SGPL1: variants seen among roughly 807,000 people sequenced by gnomAD.
SGPL1 encodes SP-lyase 1.
A neutral mutation model predicts 68.9 loss-of-function variants in SGPL1; 37 were observed. The ratio of observed to expected loss-of-function variants is 0.54; its 90% CI spans 0.41 to 0.71. The LOEUF is 0.71. Among genes scored for constraint, SGPL1 ranks in the 30% least tolerant of loss-of-function variants. SGPL1 has a pLI of 0.00. For synonymous variants in SGPL1, 236 were observed against 248.5 expected (o/e 0.95, Z 0.47); for missense variants, 551 against 704.6 (o/e 0.78, Z 2.47).
intron 2 of SGPL1, among the ~76,000 whole-genome samples, chr10:70,823,322 G>A (rs1191430007): frequency 1.3e-5 from 2 of 150,050 alleles, no homozygotes; most frequent in Non-Finnish European, 3.0e-5. Context: ...CCTAGTAAAA[G>A]TTTTGTTTAA....
In SGPL1 at chr10:70,871,841, C is replaced by T; in HGVS notation, c.914C>T (p.Ala305Val). Residue 305 changes from alanine (A) to valine (V), a missense_variant, in exon 11 of 15, where the codon GCT becomes GTT. Transcript: ENST00000373202. ...TTCTTTGTTTTTTGGAACAAGCTGG[C>T]TGTCAAATACAAAATACCCCTTCAT... ...IDPVPEVAKL[A>V]VKYKIPLHVD... 1 of 1,612,692 alleles carries T rather than the reference C, an allele frequency of 6.2e-7. No homozygotes were observed. The highest frequency in any genetic ancestry group is 1.1e-5 in the South Asian group (1 of 90,600).
chr10:70,877,544 A>ACATAATG lies in SGPL1; in HGVS notation c.*210_*216dup, dbSNP rs1307889534. On this transcript the variant is annotated 3_prime_UTR_variant, in exon 15 of 15. Coordinates refer to ENST00000373202, the MANE Select transcript of SGPL1 (RefSeq NM_003901.4). ...TTTGAAGACCCCAGAGAATTCCATT[A>ACATAATG]CATAATGATTTTGCCCTTGTTATAA... 2.4e-5 allele frequency: 12 copies of ACATAATG among 507,882 alleles called. No homozygotes were observed. Among genetic ancestry groups the ACATAATG allele is most frequent in the Non-Finnish European group, 3.9e-5 (11 of 284,550 alleles). 31.5% of individuals were successfully genotyped at this position (507,882 alleles called of 1,614,324 possible). A position where few individuals can be genotyped will look rare whatever the true frequency, so the allele number is the denominator to read the frequency against.
chr10:70,829,542 T>C (rs1317957362), intron 2 of SGPL1, among the ~76,000 whole-genome samples: 2 of 152,232 alleles, frequency 1.3e-5, no homozygotes, highest in African/African-American at 4.8e-5. Context: ...TCATTTAATA[T>C]TCACAACAAC....
rs1379400946 is a variant in SGPL1 at position 70,879,800 on chromosome 10, G to T, written c.*2465G>T. On this transcript the variant is annotated 3_prime_UTR_variant, in exon 15 of 15. Coordinates refer to ENST00000373202, the MANE Select transcript of SGPL1 (RefSeq NM_003901.4). ...TAGGCTTTTCATTGTGTATTTTTGTGTATGTGTGCATATAGCAGCTACTCT... is the reference window on the plus strand; with the variant it reads ...TAGGCTTTTCATTGTGTATTTTTGTTTATGTGTGCATATAGCAGCTACTCT... 1 of 152,618 alleles carries T rather than the reference G, an allele frequency of 6.6e-6. No individual in the cohort carries two copies. Among genetic ancestry groups the T allele is most frequent in the Non-Finnish European group, 1.5e-5 (1 of 68,052 alleles). The allele number at this position is 152,618 out of a possible 1,614,324, so 9.5% of individuals were successfully genotyped here.
intron 2 of SGPL1, among the ~76,000 whole-genome samples, chr10:70,818,754 A>G (rs924262373): frequency 1.3e-5 from 2 of 152,240 alleles, no homozygotes; most frequent in East Asian, 3.8e-4. Flanking sequence ...AAGTTCATCT[A>G]AAATAGTATC....
intron 2 of SGPL1, among the ~76,000 whole-genome samples, chr10:70,827,486 A>T (rs568084546): frequency 6.6e-6 from 1 of 152,332 alleles, no homozygotes; most frequent in African/African-American, 2.4e-5. Context: ...TTTTTGACAT[A>T]ATATAGCTAC....
intron 2 of SGPL1, among the ~76,000 whole-genome samples, chr10:70,826,142 A>G (rs1161600377): frequency 6.6e-6 from 1 of 152,228 alleles, no homozygotes; most frequent in Non-Finnish European, 1.5e-5. Context: ...CCAAGGTCAC[A>G]CTACCGCACT....
Position 70,854,799 on chromosome 10 carries a change from C to T in SGPL1, c.353C>T (p.Ser118Phe). ...AAAGAGTATGTGAAAGCTTTACCCT[C>T]CCAGGGTCTGAGCTCATCTGCTGTT... ...VDKEYVKALP[S>F]QGLSSSAVLE... Residue 118 changes from serine to phenylalanine, a missense_variant, in exon 5 of 15, where the codon TCC becomes TTC. By Grantham distance (155) the Ser-to-Phe change is radical. Transcript: ENST00000373202. The T allele has an allele frequency of 1.9e-6, 3 of 1,613,864 alleles. No homozygotes were observed. Among genetic ancestry groups the T allele is most frequent in the Non-Finnish European group, 2.5e-6 (3 of 1,179,838 alleles).
intron 2 of SGPL1, among the ~76,000 whole-genome samples, chr10:70,841,448 T>C (rs1845711863): frequency 6.6e-6 from 1 of 152,188 alleles, no homozygotes; most frequent in Admixed American, 6.6e-5. Flanking sequence ...ATATGGTGCC[T>C]GATGAGGCCC....
At chr10:70,867,511 G>A (rs917245464) in intron 7 of SGPL1, among the ~76,000 whole-genome samples, 8 of 151,018 alleles carry the variant, frequency 5.3e-5, no homozygotes, top group African/African-American at 1.5e-4. Context: ...GCAGTGAGCC[G>A]AGATCATGCC....
intron 4 of SGPL1, among the ~76,000 whole-genome samples, chr10:70,853,409 C>A (rs777838610): frequency 6.6e-6 from 1 of 152,184 alleles, no homozygotes; most frequent in Non-Finnish European, 1.5e-5. Flanking sequence ...TGTGACAAAT[C>A]GTGACATGTA....
At chr10:70,856,589 T>TA (rs1407064666) in intron 5 of SGPL1, among the ~76,000 whole-genome samples, 1 of 152,216 alleles carries the variant, frequency 6.6e-6, no homozygotes, top group Non-Finnish European at 1.5e-5. Context: ...AAGCTGTGTA[T>TA]AGTACAGAGC....
At chr10:70,854,059 A>G (rs1049851431) in intron 4 of SGPL1, among the ~76,000 whole-genome samples, 1 of 152,208 alleles carries the variant, frequency 6.6e-6, no homozygotes, top group African/African-American at 2.4e-5. Context: ...AGGCAGGATC[A>G]AAGTCCAAAT....
chr10:70,878,973 T>C lies in SGPL1; in HGVS notation c.*1638T>C, dbSNP rs948554889. 2.6e-5 allele frequency: 4 copies of C among 152,856 alleles called. No homozygotes were observed. The highest frequency in any genetic ancestry group is 1.9e-4 in the East Asian group (1 of 5,172). The allele number at this position is 152,856 out of a possible 1,614,324, so 9.5% of individuals were successfully genotyped here. A position where few individuals can be genotyped will look rare whatever the true frequency, so the allele number is the denominator to read the frequency against. ...CAGACCCTGCGCCTATTTCCTGCCT[T>C]CTTTCCCCTATAGGGAACTCTGTAG... is the stretch of plus-strand genomic sequence containing the variant. On this transcript the variant is annotated 3_prime_UTR_variant, in exon 15 of 15. Coordinates refer to ENST00000373202, the MANE Select transcript of SGPL1 (RefSeq NM_003901.4).
intron 7 of SGPL1, among the ~76,000 whole-genome samples, chr10:70,864,197 A>G (rs827251): frequency 0.16 from 24,197 of 152,062 alleles, 2,169 homozygotes; most frequent in Non-Finnish European, 0.2. Context: ...ACCTTCGTCT[A>G]TTTGAAAGCC....
At chr10:70,866,640 G>C (rs1379910328) in intron 7 of SGPL1, 2 of 152,206 alleles carry the variant, frequency 1.3e-5, no homozygotes, top group Non-Finnish European at 2.9e-5. Context: ...GACGACTCTT[G>C]TGACATTCTG....
At chr10:70,869,681 AT>A (rs1274547931) in intron 8 of SGPL1, 110 bp from the exon 9 acceptor site, 1 of 825,244 alleles carries the variant, frequency 1.2e-6, no homozygotes, top group East Asian at 2.8e-5. Context: ...TAAATTTTTA[AT>A]TTGGGGAAAA....
At chr10:70,848,590 G>A (rs772525922) in intron 3 of SGPL1, among the ~76,000 whole-genome samples, 1 of 147,144 alleles carries the variant, frequency 6.8e-6, no homozygotes, top group East Asian at 2.1e-4. Flanking sequence ...TCAGCCTCCC[G>A]AGTAGCTGGG....
chr10:70,826,375 C>T (rs902571367), intron 2 of SGPL1, among the ~76,000 whole-genome samples: 13 of 152,130 alleles, frequency 8.5e-5, no homozygotes, highest in African/African-American at 3.1e-4. Flanking sequence ...TCTGTCATTC[C>T]GCTATCAGTA....
Sources: allele counts gnomAD v4.1 joint callset (sites outside exome capture counted in the v4.1 genomes callset), GRCh38; gene constraint gnomAD v4.1.1; transcripts MANE v1.5; gene names NCBI Gene and HGNC (gene_info 2026-07-23, HGNC 2026-07-21).